NKD2: variants seen among roughly 807,000 people sequenced by gnomAD.
The protein encoded by NKD2 is protein naked cuticle homolog 2.
NKD2 carries 43 observed loss-of-function variants against 34.8 expected under a neutral mutation model. That is an observed-to-expected ratio of 1.24 (90% CI 0.97 to 1.60). NKD2 has a LOEUF of 1.60. Ranked by LOEUF, NKD2 falls within the 40% of genes most tolerant of loss-of-function variation. The probability of loss-of-function intolerance (pLI) is 0.00; values close to 1 mark genes in which losing one functional copy is unlikely to be tolerated. For synonymous variants in NKD2, 278 were observed against 265.1 expected (o/e 1.05, Z -0.47); for missense variants, 675 against 627.1 (o/e 1.08, Z -0.82).
chr5:1,015,754 T>C (rs2150728322), intron 3 of NKD2, among the ~76,000 whole-genome samples: 1 of 152,294 alleles, frequency 6.6e-6, no homozygotes, highest in Middle Eastern at 3.4e-3. Flanking sequence ...CCTGTCCATG[T>C]GTGGAACCCG....
At chr5:1,027,294 G>T (rs1756458294) in intron 3 of NKD2, among the ~76,000 whole-genome samples, 1 of 152,260 alleles carries the variant, frequency 6.6e-6, no homozygotes, top group Non-Finnish European at 1.5e-5. Context: ...GGGGTGCCAG[G>T]TGCTGCTGGT....
At chr5:1,027,671 G>A (rs1482063827) in intron 3 of NKD2, among the ~76,000 whole-genome samples, 1 of 152,222 alleles carries the variant, frequency 6.6e-6, no homozygotes, top group Non-Finnish European at 1.5e-5. Flanking sequence ...ATGTCCCAGA[G>A]GGCCGTGACT....
At chr5:1,033,344 G>GC in intron 4 of NKD2, 28 bp from the exon 5 acceptor site, 1 of 1,575,844 alleles carries the variant, frequency 6.3e-7, no homozygotes, top group Non-Finnish European at 8.6e-7. Flanking sequence ...CCCTCTGCCA[G>GC]CCCCTTCGCC....
rs374273602 is a variant in NKD2 at position 1,038,064 on chromosome 5, C to G, written c.1047C>G (p.Ser349=). ...CTGGGGTGCCAGCCAGCAGCAAGTC[C>G]GGGAAAGCCTTCAGCTACTACCTGC... ...KPPGVPASSK[S]GKAFSYYLPA... is the part of the protein sequence containing the mutation. Residue 349 remains serine, a synonymous_variant, in exon 10 of 10, where the codon TCC becomes TCG. Transcript: ENST00000296849. The surrounding 1 kb of genome is among the most constrained non-coding windows in gnomAD (Gnocchi z 4.5). The G allele has an allele frequency of 1.7e-5, 27 of 1,609,244 alleles. No homozygotes were observed. The Admixed American group carries it at 4.5e-4, about 27-fold the overall frequency.
chr5:1,010,552 G>A (rs1227432443), intron 3 of NKD2, among the ~76,000 whole-genome samples: 2 of 152,150 alleles, frequency 1.3e-5, no homozygotes, highest in Non-Finnish European at 2.9e-5. Flanking sequence ...AGTTAGGATT[G>A]GTGCTTCCTG....
At chr5:1,033,201 C>T (rs988327778) in intron 4 of NKD2, among the ~76,000 whole-genome samples, 171 bp from the exon 5 acceptor site, 7 of 152,136 alleles carry the variant, frequency 4.6e-5, no homozygotes, top group African/African-American at 2.4e-5. Context: ...TGTGGCTGGC[C>T]GGGATAGGGC....
At chr5:1,015,207 G>A (rs1280431137) in intron 3 of NKD2, among the ~76,000 whole-genome samples, 5 of 152,202 alleles carry the variant, frequency 3.3e-5, no homozygotes, top group South Asian at 2.1e-4. Context: ...GGCCTGATTC[G>A]TACTGCACAG....
intron 9 of NKD2, chr5:1,036,994 A>AGGCG: frequency 3.0e-6 from 1 of 336,294 alleles, no homozygotes; most frequent in Non-Finnish European, 5.5e-6. Context: ...TGTGGATGGC[A>AGGCG]GGCAGGCAGT....
At chr5:1,035,924 G>A in intron 8 of NKD2, 1 of 366,784 alleles carries the variant, frequency 2.7e-6, no homozygotes, top group Non-Finnish European at 4.9e-6. Flanking sequence ...GCTGGGGGTG[G>A]CTGGGTGGCT....
chr5:1,027,031 T>TGGCCCTGCAGAACA (rs1295494460), intron 3 of NKD2, among the ~76,000 whole-genome samples: 3 of 152,124 alleles, frequency 2.0e-5, no homozygotes, highest in Non-Finnish European at 4.4e-5. Context: ...GCCACAGGGG[T>TGGCCCTGCAGAACA]GGTGACAATG....
chr5:1,031,746 C>T (rs1289822789), intron 3 of NKD2, among the ~76,000 whole-genome samples: 2 of 152,188 alleles, frequency 1.3e-5, no homozygotes, highest in African/African-American at 4.8e-5. Context: ...ATGCGGGCAG[C>T]GGCTGGAGTC....
intron 6 of NKD2, among the ~76,000 whole-genome samples, 176 bp from the exon 7 acceptor site, chr5:1,034,580 G>T (rs904264363): frequency 1.3e-5 from 2 of 152,226 alleles, no homozygotes; most frequent in African/African-American, 2.4e-5. Context: ...CGCTCACAGG[G>T]CCACCTGGGC....
chr5:1,027,993 C>T (rs535905320), intron 3 of NKD2, among the ~76,000 whole-genome samples: 5 of 152,306 alleles, frequency 3.3e-5, no homozygotes, highest in East Asian at 1.9e-4. Flanking sequence ...AGCTGCTGGG[C>T]GCTGCCGAGC....
chr5:1,012,360 CG>C lies in NKD2; in HGVS notation c.141+2806del, dbSNP rs1048672417. 1.3e-5 allele frequency among the ~76,000 whole-genome samples: 2 copies of C among 152,226 alleles called. 1 individual carries two copies. The highest frequency in any genetic ancestry group is 2.9e-5 in the Non-Finnish European group (2 of 68,042). ...GAGGAGGCCGTGGCCCTGGCCTGCACGGGGGGCTCTTGCCCACATCTGCAGG... is the reference window on the plus strand; with the variant it reads ...GAGGAGGCCGTGGCCCTGGCCTGCACGGGGGCTCTTGCCCACATCTGCAGG... On this transcript the variant is annotated intron_variant, in intron 3 of 9. Transcript: ENST00000296849.
chr5:1,033,557 G>A (rs1756733666), intron 5 of NKD2, 58 bp downstream of exon 5: 1 of 1,510,300 alleles, frequency 6.6e-7, no homozygotes, highest in Middle Eastern at 1.7e-4. Flanking sequence ...GGGGCTCAGG[G>A]ACAGGCATGT....
chr5:1,012,222 T>C (rs1002208662), intron 3 of NKD2, among the ~76,000 whole-genome samples: 1 of 152,202 alleles, frequency 6.6e-6, no homozygotes, highest in Non-Finnish European at 1.5e-5. Context: ...AACTGGAATG[T>C]TGTTGTGAAT....
chr5:1,020,074 G>A (rs1291293201), intron 3 of NKD2, among the ~76,000 whole-genome samples: 1 of 152,112 alleles, frequency 6.6e-6, no homozygotes, highest in Non-Finnish European at 1.5e-5. Context: ...TCCTTTTTCT[G>A]TGACATTGGG....
chr5:1,011,891 G>A (rs146177348), intron 3 of NKD2, among the ~76,000 whole-genome samples: 524 of 152,350 alleles, frequency 3.4e-3, no homozygotes, highest in African/African-American at 0.012. Flanking sequence ...GGCGGGACCC[G>A]CACGGCTTCA....
At chr5:1,016,064 G>A (rs1411274766) in intron 3 of NKD2, among the ~76,000 whole-genome samples, 1 of 152,230 alleles carries the variant, frequency 6.6e-6, no homozygotes, top group Admixed American at 6.5e-5. Context: ...CAGAAGGCGC[G>A]GTGTGTGAGA....
Sources: allele counts gnomAD v4.1 joint callset (sites outside exome capture counted in the v4.1 genomes callset), GRCh38; gene constraint gnomAD v4.1.1; non-coding constraint Gnocchi (gnomAD v3.1); transcripts MANE v1.5; gene names NCBI Gene and HGNC (gene_info 2026-07-23, HGNC 2026-07-21).